STK3: variants seen among roughly 807,000 people sequenced by gnomAD.
STK3 encodes serine/threonine kinase 3.
A neutral mutation model predicts 58.0 loss-of-function variants in STK3; 41 were observed. That is an observed-to-expected ratio of 0.71 (90% CI 0.55 to 0.92). STK3 has a LOEUF of 0.92. STK3 is among the 40% of genes least tolerant of loss of function. The pLI, the probability that STK3 is intolerant of heterozygous loss-of-function variation, is 0.00. For missense variants in STK3, 479 were observed against 602.7 expected, an observed-to-expected ratio of 0.79 and a Z score of 2.15; for synonymous variants, 170 against 191.0, an observed-to-expected ratio of 0.89 and a Z score of 0.91.
At chr8:98,836,672 C>A (rs963071041) in intron 3 of STK3, among the ~76,000 whole-genome samples, 11 of 152,108 alleles carry the variant, frequency 7.2e-5, no homozygotes, top group African/African-American at 2.7e-4. Context: ...TCAGATTGGA[C>A]CTTGACTGAG....
At chr8:98,926,048 AG>A (rs1160045236) in intron 1 of STK3, among the ~76,000 whole-genome samples, 1 of 152,196 alleles carries the variant, frequency 6.6e-6, no homozygotes, top group African/African-American at 2.4e-5. Context: ...GAGGATGAGA[AG>A]GAAGTGAATA....
chr8:98,625,925 T>C (rs997559973), intron 6 of STK3, among the ~76,000 whole-genome samples: 2 of 152,082 alleles, frequency 1.3e-5, no homozygotes, highest in African/African-American at 4.8e-5. Context: ...ATAGCAAACA[T>C]GAGGAAGCAA....
chr8:98,757,598 G>GAA (rs1040308347), intron 3 of STK3, among the ~76,000 whole-genome samples: 171 of 58,548 alleles, frequency 2.9e-3, no homozygotes, highest in African/African-American at 9.4e-3. Flanking sequence ...CCATCTCAAA[G>GAA]AAAAAAAAAA....
chr8:98,858,823 C>A (rs958273358), intron 3 of STK3, among the ~76,000 whole-genome samples: 1 of 148,180 alleles, frequency 6.7e-6, no homozygotes, highest in South Asian at 2.2e-4. Flanking sequence ...ACCCAGGAAG[C>A]GGAGGTTGCA....
At chr8:98,722,287 A>G (rs1827489152) in intron 4 of STK3, among the ~76,000 whole-genome samples, 1 of 152,202 alleles carries the variant, frequency 6.6e-6, no homozygotes, top group Non-Finnish European at 1.5e-5. Context: ...CCTTGTACCA[A>G]AACGGAGACA....
At chr8:98,893,540 A>AAAGAAAG (rs1564087625) in intron 1 of STK3, among the ~76,000 whole-genome samples, 28 of 141,658 alleles carry the variant, frequency 2.0e-4, no homozygotes, top group African/African-American at 5.9e-4. Flanking sequence ...AAGAAAGAAA[A>AAAGAAAG]AGAAAGAGAA....
chr8:98,361,122 C>A, the STK3 span, among the ~76,000 whole-genome samples: 3 of 151,808 alleles, frequency 2.0e-5, no homozygotes, highest in African/African-American at 7.2e-5. Context: ...ACACTGAGTA[C>A]CCCCCTTCCC....
chr8:98,532,337 ATG>A (rs898880673), intron 9 of STK3, among the ~76,000 whole-genome samples: 36 of 152,270 alleles, frequency 2.4e-4, no homozygotes, highest in African/African-American at 8.7e-4. Flanking sequence ...AGACAAGGTA[ATG>A]GCCTGCTGGT....
intron 6 of STK3, among the ~76,000 whole-genome samples, chr8:98,610,153 C>G (rs1490773825): frequency 6.6e-6 from 1 of 150,538 alleles, no homozygotes; most frequent in Non-Finnish European, 1.5e-5. Flanking sequence ...ATACCCCCAT[C>G]CAAAGGAACT....
At chr8:98,838,418 T>A (rs1246511995) in intron 3 of STK3, among the ~76,000 whole-genome samples, 3 of 152,204 alleles carry the variant, frequency 2.0e-5, no homozygotes, top group Non-Finnish European at 4.4e-5. Context: ...AAGACTTGTT[T>A]ACTTCTAGGC....
At chr8:98,523,257 T>A (rs1318866106) in intron 10 of STK3, among the ~76,000 whole-genome samples, 1 of 152,198 alleles carries the variant, frequency 6.6e-6, no homozygotes, top group Non-Finnish European at 1.5e-5. Context: ...GTGTGTAGTA[T>A]CTTATTGTAG....
chr8:98,579,976 T>C (rs1422589530), intron 7 of STK3, among the ~76,000 whole-genome samples, 187 bp from the exon 8 acceptor site: 1 of 152,110 alleles, frequency 6.6e-6, no homozygotes, highest in Non-Finnish European at 1.5e-5. Flanking sequence ...GAATTTGCTT[T>C]GGGGCTTGTT....
chr8:98,552,413 C>T (rs1811240722), intron 8 of STK3, among the ~76,000 whole-genome samples: 1 of 152,166 alleles, frequency 6.6e-6, no homozygotes, highest in East Asian at 1.9e-4. Flanking sequence ...CTGGCCTATC[C>T]CATCTAGTAA....
intron 4 of STK3, among the ~76,000 whole-genome samples, chr8:98,739,731 C>A (rs1190536844): frequency 2.0e-5 from 3 of 149,012 alleles, no homozygotes; most frequent in African/African-American, 7.5e-5. Flanking sequence ...AGCAACGGAA[C>A]AAAGCTGGAC....
At position 98,795,796 on chromosome 8, in the gene STK3, A is replaced by AAATACAATACAATAC. The variant is rs58299814; in HGVS notation, c.27-20992_27-20978dup. On this transcript the variant is annotated intron_variant, in intron 1 of 10. Transcript: ENST00000419617. ...CACGATCCCATTTACAATGGCCACA[A>AAATACAATACAATAC]AATACAATACAATACAATACAATAC... 1.3e-3 allele frequency among the ~76,000 whole-genome samples: 176 copies of AAATACAATACAATAC among 138,098 alleles called. 2 individuals carry two copies. Among genetic ancestry groups the AAATACAATACAATAC allele is most frequent in the Admixed American group, 2.2e-3 (30 of 13,516 alleles). 90.6% of individuals were successfully genotyped at this position (138,098 alleles called of 152,430 possible).
At chr8:98,756,115 C>T (rs1334522717) in intron 3 of STK3, among the ~76,000 whole-genome samples, 1 of 151,786 alleles carries the variant, frequency 6.6e-6, no homozygotes, top group Non-Finnish European at 1.5e-5. Flanking sequence ...TGCACTCCTG[C>T]CTGGCAGAAG....
intron 6 of STK3, among the ~76,000 whole-genome samples, chr8:98,655,613 T>G (rs1433567348): frequency 6.6e-6 from 1 of 151,350 alleles, no homozygotes; most frequent in African/African-American, 2.4e-5. Context: ...ATCCAGAATC[T>G]ATAATGAACT....
intron 6 of STK3, among the ~76,000 whole-genome samples, chr8:98,668,988 CTTTTTTT>C (rs35407432): frequency 9.0e-6 from 1 of 111,130 alleles, no homozygotes; most frequent in Admixed American, 1.1e-4. Context: ...TTAATCTTGT[CTTTTTTT>C]TTTTTTTTTT....
chr8:98,881,357 C>T (rs935868097), downstream of STK3: 2 of 152,164 alleles, frequency 1.3e-5, no homozygotes, highest in Non-Finnish European at 2.9e-5. Flanking sequence ...TCAGTTGTTC[C>T]TGGAGTTGTG....
Sources: gnomAD v4.1 joint callset for allele counts (sites outside exome capture counted in the v4.1 genomes callset) on GRCh38, gnomAD v4.1.1 for gene constraint, MANE v1.5 for transcripts, NCBI Gene and HGNC (gene_info 2026-07-23, HGNC 2026-07-21) for gene names.